Variants in BATF observed in about 807,000 individuals in gnomAD.
The protein encoded by BATF is basic leucine zipper ATF-like transcription factor, also known as basic leucine zipper transcriptional factor ATF-like.
In BATF, 5 loss-of-function variants were observed where a neutral mutation model predicts 13.7. That is an observed-to-expected ratio of 0.36 (90% CI 0.19 to 0.77). BATF has a LOEUF of 0.77. Among genes scored for constraint, BATF ranks in the 30% least tolerant of loss-of-function variants. The pLI, the probability that BATF is intolerant of heterozygous loss-of-function variation, is 0.51. For synonymous variants in BATF, 72 were observed against 67.5 expected (o/e 1.07, Z -0.33); for missense variants, 124 against 163.0 (o/e 0.76, Z 1.30).
chr14:75,531,041 T>A (rs192688024), intron 2 of BATF, among the ~76,000 whole-genome samples: 1 of 152,334 alleles, frequency 6.6e-6, no homozygotes, highest in East Asian at 1.9e-4. Flanking sequence ...TTCTCAGCAT[T>A]GATCATTACC....
chr14:75,527,484 T>C (rs1296640179), intron 2 of BATF, among the ~76,000 whole-genome samples: 3 of 152,212 alleles, frequency 2.0e-5, no homozygotes, highest in Non-Finnish European at 4.4e-5. Flanking sequence ...TATGTTAAGC[T>C]GCACCCCTGT....
intron 2 of BATF, among the ~76,000 whole-genome samples, chr14:75,546,050 C>T (rs1566770538): frequency 6.6e-6 from 1 of 151,958 alleles, no homozygotes; most frequent in African/African-American, 2.4e-5. Flanking sequence ...TTAGTAGAGA[C>T]AGGGTTTTGC....
intron 2 of BATF, among the ~76,000 whole-genome samples, chr14:75,545,588 A>G (rs1595010320): frequency 6.6e-6 from 1 of 152,110 alleles, no homozygotes; most frequent in Non-Finnish European, 1.5e-5. Context: ...TGCAGTAGAC[A>G]AGTATCCAGT....
At chr14:75,533,972 G>C (rs1477579433) in intron 2 of BATF, among the ~76,000 whole-genome samples, 1 of 152,176 alleles carries the variant, frequency 6.6e-6, no homozygotes, top group Non-Finnish European at 1.5e-5. Context: ...CTATTGCAAA[G>C]GTGGGCCAAG....
rs1442406674 is a variant in BATF, at chr14:75,546,889, C to T, written c.*218C>T. ...TGCTGGACCCCACCACTGTGGGTTG[C>T]AGGCCCAATGCAGAAGAGTATTAAG... is the stretch of plus-strand genomic sequence containing the variant. On this transcript the variant is annotated 3_prime_UTR_variant, in exon 3 of 3. Transcript: ENST00000286639. 1 of 724,414 alleles carries T rather than the reference C, an allele frequency of 1.4e-6. No individual in the cohort carries two copies. The highest frequency in any genetic ancestry group is 2.5e-6 in the Non-Finnish European group (1 of 405,026). The allele number at this position is 724,414 out of a possible 1,614,324, so 44.9% of individuals were successfully genotyped here.
intron 1 of BATF, 86 bp from the exon 2 acceptor site, chr14:75,524,997 TG>T: frequency 8.6e-7 from 1 of 1,157,254 alleles, no homozygotes; most frequent in Non-Finnish European, 1.3e-6. Flanking sequence ...GAAGGATGGC[TG>T]GACGGATACC....
chr14:75,542,131 G>C (rs184448518), intron 2 of BATF, among the ~76,000 whole-genome samples: 108 of 152,350 alleles, frequency 7.1e-4, no homozygotes, highest in Middle Eastern at 3.4e-3. Context: ...CTGAACTTCT[G>C]AGAAAACAAG....
At chr14:75,525,533 G>A (rs1483129173) in intron 2 of BATF, among the ~76,000 whole-genome samples, 6 of 151,860 alleles carry the variant, frequency 4.0e-5, no homozygotes, top group African/African-American at 1.2e-4. Flanking sequence ...GCATGGTGGT[G>A]CATGCCTGTA....
At chr14:75,525,823 T>C (rs1227266247) in intron 2 of BATF, among the ~76,000 whole-genome samples, 5 of 131,510 alleles carry the variant, frequency 3.8e-5, no homozygotes, top group African/African-American at 2.1e-4. Flanking sequence ...GGACGGCCCA[T>C]TGTCTCGCAG....
chr14:75,538,795 G>A (rs1887854838), intron 2 of BATF, among the ~76,000 whole-genome samples: 1 of 152,216 alleles, frequency 6.6e-6, no homozygotes, highest in African/African-American at 2.4e-5. Context: ...CAGCTACTAG[G>A]GAGGCTGAGG....
chr14:75,528,543 C>G (rs1323400967), intron 2 of BATF, among the ~76,000 whole-genome samples: 1 of 152,146 alleles, frequency 6.6e-6, no homozygotes, highest in Non-Finnish European at 1.5e-5. Context: ...TCGGTGATTC[C>G]TTTCGTAATT....
chr14:75,540,608 G>A (rs907353780), intron 2 of BATF, among the ~76,000 whole-genome samples: 3 of 152,180 alleles, frequency 2.0e-5, no homozygotes, highest in Non-Finnish European at 4.4e-5. Flanking sequence ...TTCAAGTACC[G>A]GTGCTGCAAC....
Position 75,546,727 on chromosome 14 carries a change from C to A in BATF, c.*56C>A. On this transcript the variant is annotated 3_prime_UTR_variant, in exon 3 of 3. Coordinates refer to ENST00000286639, the MANE Select transcript of BATF (RefSeq NM_006399.5). ...GAGGGGCACACAGACTGTGGCAGAGCTGCGCCCATCCCGCAGAGGCCCCTG... is the reference window on the plus strand; with the variant it reads ...GAGGGGCACACAGACTGTGGCAGAGATGCGCCCATCCCGCAGAGGCCCCTG... 6.7e-7 allele frequency: 1 copy of A among 1,489,370 alleles called. No homozygotes were observed. The highest frequency in any genetic ancestry group is 9.0e-7 in the Non-Finnish European group (1 of 1,115,192). 92.3% of individuals were successfully genotyped at this position (1,489,370 alleles called of 1,614,324 possible). A position where few individuals can be genotyped will look rare whatever the true frequency, so the allele number is the denominator to read the frequency against.
intron 2 of BATF, among the ~76,000 whole-genome samples, chr14:75,534,323 C>A (rs1887787349): frequency 6.6e-6 from 1 of 152,138 alleles, no homozygotes; most frequent in African/African-American, 2.4e-5. Flanking sequence ...AATGAAAATA[C>A]CCTAATTTCC....
At chr14:75,527,492 T>G (rs1225350304) in intron 2 of BATF, among the ~76,000 whole-genome samples, 8 of 152,218 alleles carry the variant, frequency 5.3e-5, no homozygotes, top group African/African-American at 1.9e-4. Flanking sequence ...GCTGCACCCC[T>G]GTCTCCCTGT....
rs756227854 is a variant in BATF, at chr14:75,525,142, A to G, written c.122A>G (p.Gln41Arg). Residue 41 changes from glutamine to arginine, a missense_variant, in exon 2 of 3, where the codon CAG (glutamine) becomes CGG (arginine). Transcript: ENST00000286639. ...AGGGAGAAAAATCGTATTGCCGCCCAGAAGAGCCGACAGAGGCAGACACAG... is the reference window on the plus strand; with the variant it reads ...AGGGAGAAAAATCGTATTGCCGCCCGGAAGAGCCGACAGAGGCAGACACAG... ...QRREKNRIAA[Q>R]KSRQRQTQKA... 3.1e-6 allele frequency: 5 copies of G among 1,614,108 alleles called. No homozygotes were observed. The highest frequency in any genetic ancestry group is 2.2e-5 in the South Asian group (2 of 91,060).
At chr14:75,531,405 A>C (rs1171954278) in intron 2 of BATF, among the ~76,000 whole-genome samples, 1 of 152,208 alleles carries the variant, frequency 6.6e-6, no homozygotes, top group Non-Finnish European at 1.5e-5. Context: ...AAATCAGTGG[A>C]GTTGCCGGGA....
chr14:75,531,001 G>A (rs974093520), intron 2 of BATF, among the ~76,000 whole-genome samples: 3 of 152,150 alleles, frequency 2.0e-5, no homozygotes, highest in Non-Finnish European at 4.4e-5. Context: ...TTTATCACAT[G>A]CTTTTATCTT....
rs532362569 is a variant in BATF at position 75,538,377 on chromosome 14, G to A, written c.169-8085G>A. Among the ~76,000 whole-genome samples, 76 of 152,266 alleles carry A rather than the reference G, an allele frequency of 5.0e-4. 2 individuals carry two copies. The highest frequency in any genetic ancestry group is 1.8e-3 in the African/African-American group (73 of 41,568). ...CCAGAACAATTAAATTGGAACCTCT[G>A]GGGGTCTGGCATCCAGGAATCCAGA... On this transcript the variant is annotated intron_variant, in intron 2 of 2. Transcript: ENST00000286639.
Sources: gnomAD v4.1 joint callset for allele counts (sites outside exome capture counted in the v4.1 genomes callset) on GRCh38, gnomAD v4.1.1 for gene constraint, MANE v1.5 for transcripts, NCBI Gene and HGNC (gene_info 2026-07-23, HGNC 2026-07-21) for gene names.